Variants in KLHDC10 observed in about 807,000 individuals in gnomAD.
KLHDC10 encodes kelch domain containing 10, also known as kelch domain-containing protein 10.
A neutral mutation model predicts 56.1 loss-of-function variants in KLHDC10; 24 were observed. The ratio of observed to expected loss-of-function variants is 0.43; its 90% confidence interval spans 0.31 to 0.60. The LOEUF is 0.60. KLHDC10 is among the 20% of genes least tolerant of loss of function. The pLI, the probability that KLHDC10 is intolerant of heterozygous loss-of-function variation, is 0.11. For synonymous variants in KLHDC10, 188 were observed against 207.1 expected, an observed-to-expected ratio of 0.91 and a Z score of 0.79; for missense variants, 349 against 567.0, an observed-to-expected ratio of 0.62 and a Z score of 3.91.
At chr7:130,111,893 C>G (rs1796106647) in intron 2 of KLHDC10, among the ~76,000 whole-genome samples, 1 of 152,006 alleles carries the variant, frequency 6.6e-6, no homozygotes, top group South Asian at 2.1e-4. Context: ...CAATTTATAC[C>G]CATCAGATTG....
At chr7:130,089,093 T>C (rs1795734621) in intron 1 of KLHDC10, among the ~76,000 whole-genome samples, 1 of 152,110 alleles carries the variant, frequency 6.6e-6, no homozygotes, top group Non-Finnish European at 1.5e-5. Context: ...TGGTAAATCT[T>C]ACAGAAAAAA....
intron 2 of KLHDC10, among the ~76,000 whole-genome samples, chr7:130,109,496 A>G (rs1211268469): frequency 1.3e-5 from 2 of 152,108 alleles, no homozygotes; most frequent in African/African-American, 4.8e-5. Context: ...TCTCTTCCAT[A>G]ACTGCAGAAC....
At chr7:130,081,463 C>T (rs557856544) in intron 1 of KLHDC10, among the ~76,000 whole-genome samples, 3 of 152,172 alleles carry the variant, frequency 2.0e-5, no homozygotes, top group Admixed American at 6.5e-5. Flanking sequence ...GGATTACAGG[C>T]GCACGCTGCC....
chr7:130,097,075 A>G (rs1343825403), intron 2 of KLHDC10, 68 bp downstream of exon 2: 29 of 1,077,040 alleles, frequency 2.7e-5, no homozygotes, highest in Non-Finnish European at 3.9e-5. Context: ...GAATTTTCTA[A>G]GCTCAAAACT....
chr7:130,077,528 C>T (rs1488401008), intron 1 of KLHDC10, among the ~76,000 whole-genome samples: 1 of 147,132 alleles, frequency 6.8e-6, no homozygotes, highest in African/African-American at 2.5e-5. Context: ...AATGGGGTTT[C>T]TACTACTTTC....
At chr7:130,129,004 G>A (rs1383364611) in intron 8 of KLHDC10, among the ~76,000 whole-genome samples, 1 of 145,162 alleles carries the variant, frequency 6.9e-6, no homozygotes, top group Non-Finnish European at 1.5e-5. Flanking sequence ...AAAAATGGAC[G>A]ATCTGGCAAT....
In KLHDC10 at chr7:130,128,919, T is replaced by TATATATATATATACAC. The variant is rs1292651924; in HGVS notation, c.980-517_980-516insTATATATATATACACA. Among the ~76,000 whole-genome samples the TATATATATATATACAC allele has an allele frequency of 6.7e-4, 77 of 115,686 alleles. 3 individuals are homozygous for TATATATATATATACAC. The highest frequency in any genetic ancestry group is 2.2e-3 in the African/African-American group (64 of 28,536). 75.9% of individuals were successfully genotyped at this position (115,686 alleles called of 152,430 possible). A position where few individuals can be genotyped will look rare whatever the true frequency, so the allele number is the denominator to read the frequency against. On this transcript the variant is annotated intron_variant, in intron 8 of 9. Coordinates refer to ENST00000335420, the MANE Select transcript of KLHDC10 (RefSeq NM_014997.4). ...ATATATATATATATATATATATATA[T>TATATATATATATACAC]ACATACTAGCCAAAACTTAAAAATC...
Position 130,130,751 on chromosome 7 carries a change from T to A in KLHDC10, c.*5T>A. On this transcript the variant is annotated 3_prime_UTR_variant, in exon 10 of 10. Transcript: ENST00000335420. The surrounding 1 kb of genome is among the most constrained non-coding windows in gnomAD (Gnocchi z 4.2). Reference sequence around the variant, plus strand: ...CTCATCGAACGCTTGAAATGAGGATTTCTGGACTGTTCATTGATACTGGAA... The same window carrying A: ...CTCATCGAACGCTTGAAATGAGGATATCTGGACTGTTCATTGATACTGGAA... The A allele has an allele frequency of 6.2e-7, 1 of 1,611,340 alleles. No homozygotes were observed. Among genetic ancestry groups the A allele is most frequent in the East Asian group, 2.2e-5 (1 of 44,862 alleles).
At chr7:130,113,879 G>T (rs930438103) in intron 2 of KLHDC10, among the ~76,000 whole-genome samples, 1 of 152,194 alleles carries the variant, frequency 6.6e-6, no homozygotes, top group African/African-American at 2.4e-5. Flanking sequence ...AAATGACAGA[G>T]ATTTTTAGAG....
intron 4 of KLHDC10, among the ~76,000 whole-genome samples, chr7:130,121,438 G>C (rs1407494001): frequency 6.6e-6 from 1 of 152,228 alleles, no homozygotes; most frequent in Non-Finnish European, 1.5e-5. Context: ...CTCTTTGAGA[G>C]TTTAAGCTTA....
intron 1 of KLHDC10, among the ~76,000 whole-genome samples, chr7:130,096,157 A>G (rs1484728516): frequency 6.6e-6 from 1 of 152,182 alleles, no homozygotes; most frequent in Admixed American, 6.5e-5. Context: ...TGTAAACCCT[A>G]AACATTATGC....
chr7:130,115,491 T>C (rs1796154455), intron 2 of KLHDC10, among the ~76,000 whole-genome samples: 7 of 151,944 alleles, frequency 4.6e-5, no homozygotes, highest in Admixed American at 4.6e-4. Context: ...CAAGGCAGGC[T>C]GATCACCTGA....
intron 8 of KLHDC10, among the ~76,000 whole-genome samples, chr7:130,128,753 T>C (rs1045504640): frequency 3.3e-5 from 5 of 151,052 alleles, no homozygotes; most frequent in African/African-American, 7.3e-5. Context: ...TAAAATTTTT[T>C]TTGAGGCCAG....
At chr7:130,123,472 A>G (rs75503012) in intron 5 of KLHDC10, among the ~76,000 whole-genome samples, 1 of 109,392 alleles carries the variant, frequency 9.1e-6, no homozygotes, top group Non-Finnish European at 1.9e-5. Flanking sequence ...TCCGTCTCAG[A>G]AAAAAAAAAA....
rs1796427389 is a variant in KLHDC10, at chr7:130,133,443, G to C, written c.*2697G>C. The stretch of plus-strand genomic sequence containing the variant: ...ATAGGGTGTAACTATAAAGCAGGTA[G>C]ACTACTTTTTTGCATCTTGGGGAAG... On this transcript the variant is annotated 3_prime_UTR_variant, in exon 10 of 10. Transcript: ENST00000335420. 6.6e-6 allele frequency: 1 copy of C among 152,202 alleles called. No homozygotes were observed. The highest frequency in any genetic ancestry group is 1.5e-5 in the Non-Finnish European group (1 of 68,034). The allele number at this position is 152,202 out of a possible 1,614,324, so 9.4% of individuals were successfully genotyped here. A position where few individuals can be genotyped will look rare whatever the true frequency, so the allele number is the denominator to read the frequency against.
chr7:130,121,159 C>G (rs1450677700), intron 4 of KLHDC10, among the ~76,000 whole-genome samples: 2 of 151,412 alleles, frequency 1.3e-5, no homozygotes. Flanking sequence ...GGATGTAGAC[C>G]TGTATGGAAG....
At chr7:130,097,813 A>G (rs900007061) in intron 2 of KLHDC10, among the ~76,000 whole-genome samples, 1 of 152,174 alleles carries the variant, frequency 6.6e-6, no homozygotes, top group Non-Finnish European at 1.5e-5. Context: ...AGCAGTTTTT[A>G]CTTTTAGAAA....
In KLHDC10 at chr7:130,104,196, G is replaced by A. The variant is rs79000897; in HGVS notation, c.253+7189G>A. On this transcript the variant is annotated intron_variant, in intron 2 of 9. Coordinates refer to ENST00000335420, the MANE Select transcript of KLHDC10 (RefSeq NM_014997.4). Reference sequence around the variant, plus strand: ...GTCTTTACATTGAGAAAGCTGAGGAGGAAGAGGAAAAGGAGGAGTTGGGCT... The same window carrying A: ...GTCTTTACATTGAGAAAGCTGAGGAAGAAGAGGAAAAGGAGGAGTTGGGCT... Among the ~76,000 whole-genome samples the A allele has an allele frequency of 5.8e-3, 888 of 152,312 alleles. 6 individuals carry two copies. Among genetic ancestry groups the A allele is most frequent in the African/African-American group, 0.02 (818 of 41,558 alleles).
intron 7 of KLHDC10, among the ~76,000 whole-genome samples, chr7:130,126,761 T>C (rs1213701029): frequency 6.6e-6 from 1 of 152,202 alleles, no homozygotes; most frequent in East Asian, 1.9e-4. Flanking sequence ...AGACTTTTAA[T>C]CCTCTTTGTT....
Sources: gnomAD v4.1 joint callset for allele counts (sites outside exome capture counted in the v4.1 genomes callset) on GRCh38, gnomAD v4.1.1 for gene constraint, Gnocchi (gnomAD v3.1) non-coding constraint, MANE v1.5 for transcripts, NCBI Gene and HGNC (gene_info 2026-07-23, HGNC 2026-07-21) for gene names.